Variants in AKAP10 observed in about 807,000 individuals in gnomAD.
The protein encoded by AKAP10 is A-kinase anchoring protein 10.
Under a neutral mutation model 80.8 loss-of-function variants are expected in AKAP10, and 24 were observed. The observed-to-expected ratio is 0.30, with a 90% CI of 0.22 to 0.42. The LOEUF (loss-of-function observed/expected upper bound fraction) is 0.42. AKAP10 is among the 10% of genes least tolerant of loss of function. The probability of loss-of-function intolerance (pLI) is 1.00; values close to 1 mark genes in which losing one functional copy is unlikely to be tolerated. For synonymous variants in AKAP10, 291 were observed against 277.7 expected (o/e 1.05, Z -0.48); for missense variants, 661 against 794.9 (o/e 0.83, Z 2.03).
rs56403226 is a variant in AKAP10, at chr17:19,905,765, C to T, written c.*462G>A. On this transcript the variant is annotated 3_prime_UTR_variant, in exon 15 of 15. Coordinates refer to ENST00000225737, the MANE Select transcript of AKAP10 (RefSeq NM_007202.4). Reference sequence around the variant, plus strand: ...CTGCCACTCAAAGCTGCCTGGCTCTCGGTGGGGCTGACTCACCTGCTTTGG... The same window carrying T: ...CTGCCACTCAAAGCTGCCTGGCTCTTGGTGGGGCTGACTCACCTGCTTTGG... 1,390 of 154,524 alleles carry T rather than the reference C, an allele frequency of 9.0e-3. 7 individuals are homozygous for T. Among genetic ancestry groups the T allele is most frequent in the Non-Finnish European group, 0.014 (942 of 69,244 alleles). 9.6% of individuals were successfully genotyped at this position (154,524 alleles called of 1,614,324 possible).
At chr17:19,961,179 A>C (rs963286470) in intron 3 of AKAP10, among the ~76,000 whole-genome samples, 26 of 128,374 alleles carry the variant, frequency 2.0e-4, no homozygotes, top group Non-Finnish European at 3.2e-4. Context: ...CCGTCTCTAC[A>C]AAAAAAAAAA....
At chr17:19,928,386 A>C (rs1019246660) in intron 10 of AKAP10, among the ~76,000 whole-genome samples, 2 of 152,248 alleles carry the variant, frequency 1.3e-5, no homozygotes, top group African/African-American at 4.8e-5. Flanking sequence ...AACTTATTGG[A>C]ATGACTATCA....
intron 3 of AKAP10, among the ~76,000 whole-genome samples, chr17:19,959,964 G>C (rs1377386109): frequency 1.3e-5 from 2 of 152,214 alleles, no homozygotes; most frequent in African/African-American, 4.8e-5. Flanking sequence ...AATACTGAAA[G>C]GGCCAGGCAT....
chr17:19,972,833 T>C (rs1458829354), intron 1 of AKAP10, among the ~76,000 whole-genome samples: 1 of 152,224 alleles, frequency 6.6e-6, no homozygotes, highest in Non-Finnish European at 1.5e-5. Flanking sequence ...GCAATATCCC[T>C]TCCTATCCTG....
At chr17:19,946,222 T>TA (rs1461476145) in intron 5 of AKAP10, among the ~76,000 whole-genome samples, 33 of 33,960 alleles carry the variant, frequency 9.7e-4, no homozygotes, top group Non-Finnish European at 9.8e-4. Context: ...TATATATATT[T>TA]TATATATATA....
At chr17:19,946,156 A>C in intron 5 of AKAP10, among the ~76,000 whole-genome samples, 1 of 112,700 alleles carries the variant, frequency 8.9e-6, no homozygotes, top group African/African-American at 3.5e-5. Context: ...TAGTATATAT[A>C]CTAATATATA....
At chr17:19,946,214 TATATATTTTA>T (rs1356397410) in intron 5 of AKAP10, among the ~76,000 whole-genome samples, 2 of 51,926 alleles carry the variant, frequency 3.9e-5, no homozygotes, top group African/African-American at 1.3e-4. Context: ...TTTATATATA[TATATATTTTA>T]TATATATATA....
rs1180273277 is a variant in AKAP10, at chr17:19,939,648, A to G, written c.1322+65T>C. On this transcript the variant is annotated intron_variant, in intron 8 of 14. Transcript: ENST00000225737. ...ACAGAGACTGAGTTTATTCATCTTT[A>G]TTTCCACAAAACATATCAAATGTTC... is the stretch of plus-strand genomic sequence containing the variant. 1.9e-6 allele frequency: 3 copies of G among 1,552,914 alleles called. No homozygotes were observed. The African/African-American group carries it at 4.1e-5, about 21-fold the overall frequency.
chr17:19,950,923 C>T (rs1397354139), intron 4 of AKAP10, among the ~76,000 whole-genome samples: 1 of 151,184 alleles, frequency 6.6e-6, no homozygotes, highest in East Asian at 2.0e-4. Flanking sequence ...GCCCCGCCGC[C>T]CCGTCTGGGA....
intron 12 of AKAP10, among the ~76,000 whole-genome samples, chr17:19,911,248 CAG>C (rs1209539614): frequency 1.3e-5 from 2 of 152,142 alleles, no homozygotes; most frequent in African/African-American, 4.8e-5. Context: ...GGCCCCCCTG[CAG>C]AGTCACTCTA....
Position 19,943,639 on chromosome 17 carries a change from T to C in AKAP10, c.977-1729A>G, listed in dbSNP as rs74255383. On this transcript the variant is annotated intron_variant, in intron 5 of 14. Transcript: ENST00000225737. ...CCTTTATAATAAATGGGTAAATATATGTAAAGCATTTCCCTGAGTTCTGAG... is the reference window on the plus strand; with the variant it reads ...CCTTTATAATAAATGGGTAAATATACGTAAAGCATTTCCCTGAGTTCTGAG... Among the ~76,000 whole-genome samples, 4 of 152,212 alleles carry C rather than the reference T, an allele frequency of 2.6e-5. No individual in the cohort carries two copies. The South Asian group carries it at 6.2e-4, about 24-fold the overall frequency.
intron 12 of AKAP10, among the ~76,000 whole-genome samples, chr17:19,916,557 C>T (rs1018856274): frequency 6.6e-6 from 1 of 151,972 alleles, no homozygotes; most frequent in Non-Finnish European, 1.5e-5. Flanking sequence ...AACACCTATG[C>T]TATGTTAACA....
Position 19,958,207 on chromosome 17 carries a change from T to C in AKAP10, c.684A>G (p.Arg228=). The part of the protein sequence containing the change: ...THSEGIDLNN[R]TNSTQNHLLL... ...GCAAGTGATTCTGAGTGCTGTTAGT[T>C]CTATTATTCAGGTCAATTCCTTCTG... The change falls in exon 4 of 15, where the codon AGA becomes AGG. Residue 228 remains arginine (R), a synonymous_variant. Coordinates refer to ENST00000225737, the MANE Select transcript of AKAP10 (RefSeq NM_007202.4). The C allele has an allele frequency of 6.2e-7, 1 of 1,614,184 alleles. No homozygotes were observed. Among genetic ancestry groups the C allele is most frequent in the African/African-American group, 1.3e-5 (1 of 75,044 alleles).
intron 12 of AKAP10, among the ~76,000 whole-genome samples, chr17:19,919,294 A>G (rs987780714): frequency 3.3e-5 from 5 of 152,070 alleles, no homozygotes; most frequent in Admixed American, 2.0e-4. Context: ...CATGGTGTAT[A>G]TGTGCCACAT....
chr17:19,968,375 C>A (rs1319271392), intron 2 of AKAP10, 39 bp downstream of exon 2: 1 of 1,553,258 alleles, frequency 6.4e-7, no homozygotes, highest in Non-Finnish European at 8.9e-7. Context: ...CAAAGCACAT[C>A]ACTTTTTAAT....
intron 12 of AKAP10, among the ~76,000 whole-genome samples, chr17:19,916,007 A>G (rs1407699970): frequency 2.6e-5 from 4 of 152,128 alleles, no homozygotes; most frequent in Non-Finnish European, 5.9e-5. Context: ...TCTACTGCTC[A>G]TTCCTTTGCT....
At chr17:19,950,717 T>C (rs1221746841) in intron 4 of AKAP10, among the ~76,000 whole-genome samples, 4 of 152,298 alleles carry the variant, frequency 2.6e-5, no homozygotes, top group African/African-American at 9.6e-5. Flanking sequence ...TTGCAGCCTC[T>C]GCCCGGCCGC....
At chr17:19,947,642 C>T in intron 4 of AKAP10, 137 bp from the exon 5 acceptor site, 1 of 708,966 alleles carries the variant, frequency 1.4e-6, no homozygotes, top group Non-Finnish European at 2.5e-6. Flanking sequence ...GGTGCTTTTT[C>T]ATTGTTTGGT....
At chr17:19,919,971 T>G in intron 12 of AKAP10, 65 bp downstream of exon 12, 1 of 1,358,808 alleles carries the variant, frequency 7.4e-7, no homozygotes, top group Non-Finnish European at 1.0e-6. Context: ...TTAAGTGGTC[T>G]TTGACTTACA....
Sources: gnomAD v4.1 joint callset for allele counts (sites outside exome capture counted in the v4.1 genomes callset) on GRCh38, gnomAD v4.1.1 for gene constraint, MANE v1.5 for transcripts, NCBI Gene and HGNC (gene_info 2026-07-23, HGNC 2026-07-21) for gene names.